The following RAB38 variants were observed in gnomAD, a reference collection of about 807,000 sequenced individuals.
The protein encoded by RAB38 is ras-related protein Rab-38.
A neutral mutation model predicts 18.4 loss-of-function variants in RAB38; 15 were observed. The ratio of observed to expected loss-of-function variants is 0.82; its 90% CI spans 0.55 to 1.26. The LOEUF (loss-of-function observed/expected upper bound fraction) is 1.26, where lower values mean the gene tolerates loss of function less well. Ranked by LOEUF, RAB38 falls within the 50% of genes most tolerant of loss-of-function variation. The probability of loss-of-function intolerance (pLI) is 0.00; values close to 1 mark genes in which losing one functional copy is unlikely to be tolerated. For missense variants in RAB38, 294 were observed against 267.4 expected, an observed-to-expected ratio of 1.10 and a Z score of -0.69; for synonymous variants, 101 against 104.4, an observed-to-expected ratio of 0.97 and a Z score of 0.20.
chr11:88,121,607 G>C (rs188512891), intron 2 of RAB38, among the ~76,000 whole-genome samples: 14 of 151,978 alleles, frequency 9.2e-5, no homozygotes, highest in Admixed American at 9.2e-4. Flanking sequence ...CTGTCGCCCA[G>C]GCTGGAGTGC....
At chr11:88,032,888 A>G in the RAB38 span, among the ~76,000 whole-genome samples, 1 of 152,254 alleles carries the variant, frequency 6.6e-6, no homozygotes, top group Non-Finnish European at 1.5e-5. Context: ...TATATACCCA[A>G]AGGATTATAA....
the RAB38 span, among the ~76,000 whole-genome samples, chr11:87,928,137 A>G: frequency 6.6e-6 from 1 of 151,942 alleles, no homozygotes; most frequent in Non-Finnish European, 1.5e-5. Flanking sequence ...GAGAGAAACT[A>G]TCATGGTTTT....
the RAB38 span, among the ~76,000 whole-genome samples, chr11:87,935,094 G>A: frequency 6.6e-6 from 1 of 151,842 alleles, no homozygotes; most frequent in African/African-American, 2.4e-5. Flanking sequence ...CTCCTTCAAG[G>A]GGACACAAAC....
chr11:88,140,081 T>C (rs1942888322), intron 2 of RAB38, among the ~76,000 whole-genome samples: 1 of 152,208 alleles, frequency 6.6e-6, no homozygotes, highest in African/African-American at 2.4e-5. Flanking sequence ...CAAGCTAATG[T>C]CAGATTCTTA....
the RAB38 span, among the ~76,000 whole-genome samples, chr11:88,023,726 C>G: frequency 6.6e-6 from 1 of 151,948 alleles, no homozygotes; most frequent in Non-Finnish European, 1.5e-5. Context: ...AATAGAGAAC[C>G]CAGAAACAAA....
chr11:87,953,590 T>C, the RAB38 span, among the ~76,000 whole-genome samples: 1 of 152,208 alleles, frequency 6.6e-6, no homozygotes, highest in South Asian at 2.1e-4. Context: ...TTATTTATTG[T>C]TAATCTGTTA....
rs5793305 is a variant in RAB38 at position 88,162,608 on chromosome 11, CA to C, written c.202+12574del. Among the ~76,000 whole-genome samples the C allele has an allele frequency of 8.1e-4, 122 of 151,180 alleles. No individual in the cohort carries two copies. In the East Asian group the frequency reaches 0.011, roughly 14 times the overall value. ...CGTCTAATCTCATTCATTCATTTAA[CA>C]AAAAAAAATTTAATCCCTATAATTT... On this transcript the variant is annotated intron_variant, in intron 1 of 2. Coordinates refer to ENST00000243662, the MANE Select transcript of RAB38 (RefSeq NM_022337.3).
chr11:87,869,043 C>G, the RAB38 span, among the ~76,000 whole-genome samples: 2 of 151,692 alleles, frequency 1.3e-5, no homozygotes, highest in African/African-American at 4.8e-5. Flanking sequence ...GCTCTTGATT[C>G]ACTTTTTCTA....
intron 1 of RAB38, among the ~76,000 whole-genome samples, chr11:88,152,877 T>C (rs1459042082): frequency 1.3e-5 from 2 of 152,258 alleles, no homozygotes; most frequent in Admixed American, 6.5e-5. Flanking sequence ...TATACAGTTT[T>C]TGCCCAGGAG....
At chr11:88,045,186 CATTTT>C in the RAB38 span, among the ~76,000 whole-genome samples, 7 of 152,278 alleles carry the variant, frequency 4.6e-5, no homozygotes, top group African/African-American at 7.2e-5. Flanking sequence ...TCTCAACATG[CATTTT>C]ATTTTATTAC....
the RAB38 span, among the ~76,000 whole-genome samples, chr11:87,898,249 T>C: frequency 2.6e-5 from 4 of 151,580 alleles, no homozygotes; most frequent in Non-Finnish European, 5.9e-5. Flanking sequence ...ATTACTCTTC[T>C]ATCATTCCCC....
chr11:88,059,180 A>AAT, the RAB38 span, among the ~76,000 whole-genome samples: 1 of 59,346 alleles, frequency 1.7e-5, no homozygotes, highest in Admixed American at 1.7e-4. Context: ...ATAAAATAAG[A>AAT]ACGTGTGAAA....
chr11:87,857,443 T>A, the RAB38 span, among the ~76,000 whole-genome samples: 2 of 152,190 alleles, frequency 1.3e-5, no homozygotes, highest in Admixed American at 6.6e-5. Context: ...CGCCACACTG[T>A]CTTCCACAAT....
the RAB38 span, among the ~76,000 whole-genome samples, chr11:88,103,468 G>A: frequency 3.3e-5 from 5 of 152,000 alleles, no homozygotes; most frequent in Non-Finnish European, 7.4e-5. Context: ...TCTCCCGTTT[G>A]TTTACAGAAA....
chr11:88,093,153 T>C, the RAB38 span, among the ~76,000 whole-genome samples: 1 of 151,940 alleles, frequency 6.6e-6, no homozygotes, highest in African/African-American at 2.4e-5. Flanking sequence ...GCATACAGAT[T>C]GGTGAGTCCC....
the RAB38 span, among the ~76,000 whole-genome samples, chr11:87,913,833 C>A: frequency 4.8e-4 from 73 of 152,228 alleles, no homozygotes; most frequent in African/African-American, 1.7e-3. Flanking sequence ...ATGTAGCATG[C>A]TCAGCCCCTT....
At chr11:87,957,634 G>A in the RAB38 span, among the ~76,000 whole-genome samples, 5 of 152,242 alleles carry the variant, frequency 3.3e-5, no homozygotes, top group African/African-American at 1.2e-4. Context: ...TATGGGGCAG[G>A]AACTCTAGAA....
intron 2 of RAB38, among the ~76,000 whole-genome samples, chr11:88,143,393 CAACTGTTT>C (rs1942941020): frequency 6.6e-6 from 1 of 152,152 alleles, no homozygotes; most frequent in African/African-American, 2.4e-5. Context: ...GTCTCTGTTA[CAACTGTTT>C]AACTTTGTAG....
the RAB38 span, among the ~76,000 whole-genome samples, chr11:87,962,962 TAAA>T: frequency 6.6e-6 from 1 of 152,126 alleles, no homozygotes; most frequent in African/African-American, 2.4e-5. Flanking sequence ...TTTTAAAAAT[TAAA>T]AAATATTACC....
Sources: allele counts gnomAD v4.1 joint callset (sites outside exome capture counted in the v4.1 genomes callset), GRCh38; gene constraint gnomAD v4.1.1; transcripts MANE v1.5; gene names NCBI Gene and HGNC (gene_info 2026-07-23, HGNC 2026-07-21).